Variants in PECAM1 observed in about 807,000 individuals in gnomAD.
PECAM1 encodes platelet and endothelial cell adhesion molecule 1.
In PECAM1, 8 loss-of-function variants were observed where a neutral mutation model predicts 13.8. The ratio of observed to expected loss-of-function variants is 0.58; its 90% CI spans 0.34 to 1.05. PECAM1 has a LOEUF of 1.05. Ranked by LOEUF, PECAM1 falls within the 50% of genes least tolerant of loss-of-function variation. PECAM1 has a pLI of 0.03. For synonymous variants in PECAM1, 136 were observed against 52.6 expected, an observed-to-expected ratio of 2.58 and a Z score of -6.86; for missense variants, 304 against 141.2, an observed-to-expected ratio of 2.15 and a Z score of -5.84.
chr17:64,332,950 C>T (rs959025770), intron 14 of PECAM1, among the ~76,000 whole-genome samples: 9 of 128,468 alleles, frequency 7.0e-5, no homozygotes, highest in Non-Finnish European at 1.2e-4. Context: ...GCCAGGAGTT[C>T]GAGACCAGCC....
intron 5 of PECAM1, among the ~76,000 whole-genome samples, chr17:64,369,062 G>A (rs928138274): frequency 9.4e-4 from 135 of 143,288 alleles, no homozygotes; most frequent in Non-Finnish European, 1.4e-3. Context: ...TCAGCCTCCC[G>A]AGTAGGTGAG....
At chr17:64,356,049 G>T (rs2035839364) in intron 8 of PECAM1, 62 bp downstream of exon 8, 1 of 474,624 alleles carries the variant, frequency 2.1e-6, no homozygotes, top group African/African-American at 2.0e-5. Context: ...TACAAGGGGT[G>T]TGTTTTCTGG....
chr17:64,361,271 G>A (rs947353566), intron 6 of PECAM1, among the ~76,000 whole-genome samples: 6 of 151,736 alleles, frequency 4.0e-5, no homozygotes, highest in East Asian at 2.0e-4. Flanking sequence ...TCAGCCTCCC[G>A]AGTAGCTGGG....
intron 2 of PECAM1, among the ~76,000 whole-genome samples, chr17:64,389,031 G>T (rs904123053): frequency 0.014 from 2,116 of 152,236 alleles, 46 homozygotes; most frequent in African/African-American, 0.047. Context: ...GAAGATTATG[G>T]ATATCCTGCC....
chr17:64,383,883 G>A (rs2036536207), intron 2 of PECAM1, among the ~76,000 whole-genome samples: 1 of 152,100 alleles, frequency 6.6e-6, no homozygotes, highest in East Asian at 1.9e-4. Context: ...TGTAATCCCA[G>A]CTCTTTGGGA....
At position 64,322,156 on chromosome 17, in the gene PECAM1, C is replaced by T. The variant is rs1257931104; in HGVS notation, c.*1660G>A. ...CTGTGGAGCACACATGAGGACAAGG[C>T]GGGCAGATCACCAAAGGTCAGGCAT... On this transcript the variant is annotated 3_prime_UTR_variant, in exon 16 of 16. Transcript: ENST00000563924. The T allele has an allele frequency of 2.9e-5, 25 of 864,684 alleles. No homozygotes were observed. Among genetic ancestry groups the T allele is most frequent in the Non-Finnish European group, 3.5e-5 (25 of 710,408 alleles). 53.6% of individuals were successfully genotyped at this position (864,684 alleles called of 1,614,324 possible). A position where few individuals can be genotyped will look rare whatever the true frequency, so the allele number is the denominator to read the frequency against.
intron 2 of PECAM1, 140 bp downstream of exon 2, chr17:64,390,348 AC>A (rs1263563626): frequency 1.5e-5 from 6 of 409,802 alleles, no homozygotes; most frequent in Non-Finnish European, 2.7e-5. Context: ...CATGGGATAA[AC>A]TTTAGTTCTC....
chr17:64,367,915 T>C (rs1257100295), intron 5 of PECAM1, among the ~76,000 whole-genome samples: 2 of 152,208 alleles, frequency 1.3e-5, no homozygotes, highest in East Asian at 3.8e-4. Flanking sequence ...GCACACACTA[T>C]AGACCAGCAG....
At position 64,389,715 on chromosome 17, in the gene PECAM1, T is replaced by G. The variant is rs986649968; in HGVS notation, c.91+774A>C. On this transcript the variant is annotated intron_variant, in intron 2 of 15. Transcript: ENST00000563924. ...GGAATTGCTCATTAAAATAAAAAAA[T>G]CACCTCCCCATCCCAAAAAACAGCA... Among the ~76,000 whole-genome samples the G allele has an allele frequency of 3.9e-5, 6 of 152,062 alleles. 1 individual carries two copies. The highest frequency in any genetic ancestry group is 2.0e-4 in the Admixed American group (3 of 15,274).
intron 14 of PECAM1, among the ~76,000 whole-genome samples, chr17:64,336,956 AAGG>A (rs2035295374): frequency 6.6e-6 from 1 of 152,024 alleles, no homozygotes; most frequent in South Asian, 2.1e-4. Flanking sequence ...AGAAAGGAAA[AAGG>A]AAAGAAAGGA....
chr17:64,352,445 C>G lies in PECAM1; in HGVS notation c.1935G>C (p.Leu645=). 1 of 475,004 alleles carries G rather than the reference C, an allele frequency of 2.1e-6. No homozygotes were observed. Among genetic ancestry groups the G allele is most frequent in the East Asian group, 3.1e-5 (1 of 32,014 alleles). The allele number at this position is 475,004 out of a possible 1,614,324, so 29.4% of individuals were successfully genotyped here. A position where few individuals can be genotyped will look rare whatever the true frequency, so the allele number is the denominator to read the frequency against. The part of the protein sequence containing the change: ...VEMSRPAVPL[L]NSNNEKMSDP... ...CTGACATTTTCTCGTTGTTGGAGTT[C>G]AGAAGTGGTACTGCTGGCCTTAAAA... Residue 645 remains leucine (L), a synonymous_variant, in exon 11 of 16, where the codon CTG becomes CTC. Coordinates refer to ENST00000563924, the MANE Select transcript of PECAM1 (RefSeq NM_000442.5).
At chr17:64,352,657 A>G (rs1336984868) in intron 10 of PECAM1, among the ~76,000 whole-genome samples, 194 bp from the exon 11 acceptor site, 2 of 61,412 alleles carry the variant, frequency 3.3e-5, no homozygotes, top group East Asian at 1.7e-3. Context: ...TATGTAAAAA[A>G]ACTTTTTTTT....
intron 3 of PECAM1, chr17:64,377,617 A>AAAGGAAGGAAGGAAGG (rs386627305): frequency 0.013 from 3,192 of 252,218 alleles, 194 homozygotes; most frequent in African/African-American, 0.071. Flanking sequence ...TCAAAGAAAG[A>AAAGGAAGGAAGGAAGG]AAGGAAGGAA....
chr17:64,378,352 A>C (rs2036409324), intron 2 of PECAM1, among the ~76,000 whole-genome samples: 1 of 152,202 alleles, frequency 6.6e-6, no homozygotes, highest in Non-Finnish European at 1.5e-5. Flanking sequence ...AGTGTGATAA[A>C]GATGTAGAGC....
chr17:64,374,783 C>A (rs2036320317), intron 4 of PECAM1, among the ~76,000 whole-genome samples: 19 of 147,786 alleles, frequency 1.3e-4, no homozygotes, highest in Admixed American at 2.7e-4. Context: ...GACTCTGTCT[C>A]AAAAAAAAAA....
chr17:64,326,465 C>T (rs979764125), intron 15 of PECAM1, among the ~76,000 whole-genome samples: 22 of 152,354 alleles, frequency 1.4e-4, no homozygotes, highest in Admixed American at 9.8e-4. Flanking sequence ...CCAGGAGAGC[C>T]CCATGCAAGT....
chr17:64,333,631 T>G (rs1396597465), intron 14 of PECAM1, among the ~76,000 whole-genome samples: 2 of 151,770 alleles, frequency 1.3e-5, no homozygotes, highest in East Asian at 3.9e-4. Flanking sequence ...AAATTTTATG[T>G]GATATGTGTT....
At chr17:64,339,010 C>G (rs1222514476) in intron 14 of PECAM1, among the ~76,000 whole-genome samples, 1 of 152,154 alleles carries the variant, frequency 6.6e-6, no homozygotes, top group Non-Finnish European at 1.5e-5. Flanking sequence ...AGTCAGAGCA[C>G]TTAGGAGAGT....
rs927579187 is a variant in PECAM1, at chr17:64,360,231, G to A, written c.1401C>T (p.Asn467=). 2.9e-4 allele frequency: 138 copies of A among 475,344 alleles called. 1 individual carries two copies. Among genetic ancestry groups the A allele is most frequent in the African/African-American group, 2.4e-3 (119 of 50,624 alleles). 29.4% of individuals were successfully genotyped at this position (475,344 alleles called of 1,614,324 possible). Residue 467 remains asparagine, a synonymous_variant, in exon 7 of 16, where the codon AAC becomes AAT. Transcript: ENST00000563924. ...NSNDPAVFKD[N]PTEDVEYQCV... The stretch of plus-strand genomic sequence containing the variant: ...ACTGGTATTCGACGTCTTCAGTGGG[G>A]TTGTCTTTGAATACCGCAGGATCAT...
Sources: gnomAD v4.1 joint callset for allele counts (sites outside exome capture counted in the v4.1 genomes callset) on GRCh38, gnomAD v4.1.1 for gene constraint, MANE v1.5 for transcripts, NCBI Gene and HGNC (gene_info 2026-07-23, HGNC 2026-07-21) for gene names.